The following SORCS2 variants were observed in gnomAD, a reference collection of about 807,000 sequenced individuals.
The protein encoded by SORCS2 is sortilin related VPS10 domain containing receptor 2, also known as VPS10 domain-containing receptor SorCS2.
SORCS2 carries 100 observed loss-of-function variants against 141.6 expected under a neutral mutation model. The ratio of observed to expected loss-of-function variants is 0.71; its 90% CI spans 0.60 to 0.83. SORCS2 has a LOEUF of 0.83. SORCS2 is among the 40% of genes least tolerant of loss of function. SORCS2 has a pLI of 0.00. For missense variants in SORCS2, 1,646 were observed against 1,560.2 expected, an observed-to-expected ratio of 1.05 and a Z score of -0.93; for synonymous variants, 789 against 676.9, an observed-to-expected ratio of 1.17 and a Z score of -2.57.
intron 3 of SORCS2, among the ~76,000 whole-genome samples, chr4:7,637,657 C>T (rs768756203): frequency 3.3e-4 from 50 of 151,666 alleles, no homozygotes; most frequent in Admixed American, 3.3e-4. Flanking sequence ...TTCTGCAGCA[C>T]CCCCTCCCTG....
At chr4:7,535,619 A>G (rs1417388575) in intron 3 of SORCS2, among the ~76,000 whole-genome samples, 1 of 152,226 alleles carries the variant, frequency 6.6e-6, no homozygotes, top group Non-Finnish European at 1.5e-5. Context: ...GGAAGACCCC[A>G]TGAGTTACTC....
chr4:7,642,992 C>T (rs1463100485), intron 4 of SORCS2, among the ~76,000 whole-genome samples: 3 of 152,156 alleles, frequency 2.0e-5, no homozygotes, highest in Admixed American at 1.3e-4. Flanking sequence ...ACACAATTGC[C>T]CTGCTCTAAG....
intron 3 of SORCS2, among the ~76,000 whole-genome samples, chr4:7,532,163 G>C (rs1044489882): frequency 6.6e-6 from 1 of 152,186 alleles, no homozygotes; most frequent in Non-Finnish European, 1.5e-5. Flanking sequence ...CGTGGGTTCC[G>C]TGAGAAGAGC....
At chr4:7,393,279 T>G (rs1011200855) in intron 1 of SORCS2, among the ~76,000 whole-genome samples, 2 of 152,154 alleles carry the variant, frequency 1.3e-5, no homozygotes, top group African/African-American at 4.8e-5. Flanking sequence ...GCCGGAGCTG[T>G]GTGGCCCTGA....
At chr4:7,624,104 A>C (rs1238839420) in intron 3 of SORCS2, among the ~76,000 whole-genome samples, 2 of 152,212 alleles carry the variant, frequency 1.3e-5, no homozygotes, top group Admixed American at 6.5e-5. Flanking sequence ...AGTGCTCAAT[A>C]AATGCTATGC....
At chr4:7,355,219 C>G (rs1478018870) in intron 1 of SORCS2, among the ~76,000 whole-genome samples, 2 of 152,072 alleles carry the variant, frequency 1.3e-5, no homozygotes, top group Non-Finnish European at 2.9e-5. Flanking sequence ...AGAGAGGGTC[C>G]CCTTCACTCT....
At chr4:7,496,834 G>T (rs1316159473) in intron 2 of SORCS2, among the ~76,000 whole-genome samples, 1 of 152,126 alleles carries the variant, frequency 6.6e-6, no homozygotes, top group African/African-American at 2.4e-5. Flanking sequence ...AGCGGCTGGG[G>T]AAGGCACAGG....
intron 3 of SORCS2, among the ~76,000 whole-genome samples, chr4:7,611,686 A>G (rs1718415164): frequency 6.6e-6 from 1 of 152,254 alleles, no homozygotes; most frequent in Non-Finnish European, 1.5e-5. Context: ...TGCTTGGGGA[A>G]AAATTCAATA....
At chr4:7,470,957 A>G (rs1729939358) in intron 2 of SORCS2, among the ~76,000 whole-genome samples, 1 of 13,696 alleles carries the variant, frequency 7.3e-5, no homozygotes, top group African/African-American at 1.1e-4. Context: ...GGGAGTAGTG[A>G]CAAGAAGGTG....
At chr4:7,249,119 G>T (rs1713314678) in intron 1 of SORCS2, among the ~76,000 whole-genome samples, 1 of 152,168 alleles carries the variant, frequency 6.6e-6, no homozygotes, top group South Asian at 2.1e-4. Flanking sequence ...TGGTTATATG[G>T]GTTAACTGGA....
intron 8 of SORCS2, among the ~76,000 whole-genome samples, chr4:7,674,504 G>A (rs1039782422): frequency 6.6e-6 from 1 of 150,994 alleles, no homozygotes; most frequent in South Asian, 2.1e-4. Flanking sequence ...ACCCGGGGGG[G>A]CAGAGCTTGC....
intron 2 of SORCS2, among the ~76,000 whole-genome samples, chr4:7,526,549 T>G (rs1733707265): frequency 1.3e-5 from 2 of 152,182 alleles, no homozygotes; most frequent in Admixed American, 1.3e-4. Flanking sequence ...CAGGGGATTC[T>G]TGGGGCAGTG....
chr4:7,566,300 A>G (rs1715006822), intron 3 of SORCS2, among the ~76,000 whole-genome samples: 1 of 150,088 alleles, frequency 6.7e-6, no homozygotes, highest in Non-Finnish European at 1.5e-5. Context: ...GTTAATGGTG[A>G]TGGTGATGAT....
At chr4:7,293,663 A>G (rs1560169500) in intron 1 of SORCS2, among the ~76,000 whole-genome samples, 1 of 152,234 alleles carries the variant, frequency 6.6e-6, no homozygotes, top group African/African-American at 2.4e-5. Flanking sequence ...TGGCATAGAC[A>G]GGTGGGCTGT....
intron 1 of SORCS2, among the ~76,000 whole-genome samples, chr4:7,351,638 C>T (rs1022495579): frequency 1.3e-5 from 2 of 151,876 alleles, no homozygotes; most frequent in African/African-American, 4.8e-5. Context: ...GCCCTTGTCC[C>T]TCCTCCTATC....
chr4:7,469,273 GTGATGA>G lies in SORCS2; in HGVS notation c.549-62238_549-62233del, dbSNP rs112815163. Reference sequence around the variant, plus strand: ...GGAGGTGATGGTAATGGTGGTGTTGGTGATGATGATGATGATGATGATGACAATGAT... The same window carrying G: ...GGAGGTGATGGTAATGGTGGTGTTGGTGATGATGATGATGATGACAATGAT... On this transcript the variant is annotated intron_variant, in intron 2 of 26. Transcript: ENST00000507866. Among the ~76,000 whole-genome samples, 9 of 151,764 alleles carry G rather than the reference GTGATGA, an allele frequency of 5.9e-5. No homozygotes were observed. The South Asian group carries it at 1.5e-3, about 25-fold the overall frequency.
chr4:7,231,028 C>CCATA (rs61031766), intron 1 of SORCS2, among the ~76,000 whole-genome samples: 1 of 152,210 alleles, frequency 6.6e-6, no homozygotes, highest in Non-Finnish European at 1.5e-5. Flanking sequence ...ATATCCATAT[C>CCATA]TGTATCTGTC....
Position 7,455,889 on chromosome 4 carries a change from C to T in SORCS2, c.548+59534C>T, listed in dbSNP as rs775399668. ...CACATGCTGTGCTGGTATCAGGCGCCGGGTTAGCATCAGATGCTGTGTTAG... is the reference window on the plus strand; with the variant it reads ...CACATGCTGTGCTGGTATCAGGCGCTGGGTTAGCATCAGATGCTGTGTTAG... On this transcript the variant is annotated intron_variant, in intron 2 of 26. Coordinates refer to ENST00000507866, the MANE Select transcript of SORCS2 (RefSeq NM_020777.3). Among the ~76,000 whole-genome samples the T allele has an allele frequency of 9.9e-5, 15 of 152,262 alleles. No homozygotes were observed. In the South Asian group the frequency reaches 1.0e-3, roughly 11 times the overall value.
At chr4:7,287,561 G>A (rs1425780308) in intron 1 of SORCS2, among the ~76,000 whole-genome samples, 3 of 152,272 alleles carry the variant, frequency 2.0e-5, no homozygotes, top group Non-Finnish European at 2.9e-5. Context: ...GAGGGAGCAC[G>A]TTCGGACTTG....
Sources: allele counts gnomAD v4.1 joint callset (sites outside exome capture counted in the v4.1 genomes callset), GRCh38; gene constraint gnomAD v4.1.1; transcripts MANE v1.5; gene names NCBI Gene and HGNC (gene_info 2026-07-23, HGNC 2026-07-21).